DIDO1: variants seen among roughly 807,000 people sequenced by gnomAD.
DIDO1 encodes death inducer-obliterator 1, also known as death-inducer obliterator 1.
In DIDO1, 16 loss-of-function variants were observed where a neutral mutation model predicts 99.4. The ratio of observed to expected loss-of-function variants is 0.16; its 90% confidence interval spans 0.11 to 0.24. The LOEUF is 0.24. Ranked by LOEUF, DIDO1 falls within the 10% of genes least tolerant of loss-of-function variation. DIDO1 has a pLI of 1.00. For synonymous variants in DIDO1, 1,366 were observed against 1,239.1 expected, an observed-to-expected ratio of 1.10 and a Z score of -2.15; for missense variants, 2,996 against 3,014.0, an observed-to-expected ratio of 0.99 and a Z score of 0.14.
intron 2 of DIDO1, among the ~76,000 whole-genome samples, chr20:62,913,191 C>A (rs1178192834): frequency 6.6e-6 from 1 of 152,172 alleles, no homozygotes; most frequent in African/African-American, 2.4e-5. Flanking sequence ...ATGACCCACA[C>A]CCCCCAGGGC....
rs1158425755 is a variant in DIDO1, at chr20:62,897,001, AAAG to A, written c.1589-8_1589-6del. ...ACCTCCTGTCTTCCTTCGTGGCTAC[AAAG>A]AAGAACACAGGCGCTGAGTAAGGGA... On this transcript the variant is annotated splice_region_variant and splice_polypyrimidine_tract_variant and intron_variant, in intron 6 of 15. Transcript: ENST00000395343. 15 of 1,607,936 alleles carry A rather than the reference AAAG, an allele frequency of 9.3e-6. No homozygotes were observed. Among genetic ancestry groups the A allele is most frequent in the East Asian group, 2.2e-5 (1 of 44,864 alleles).
intron 6 of DIDO1, chr20:62,904,899 C>T (rs913751483): frequency 9.6e-6 from 8 of 829,244 alleles, no homozygotes; most frequent in East Asian, 1.2e-4. Context: ...AGTCTGACGA[C>T]GGGAAAGTGG....
In DIDO1 at chr20:62,896,852, G is replaced by A. The variant is rs2064541936; in HGVS notation, c.1733C>T (p.Ala578Val). Residue 578 changes from alanine (A) to valine (V), a missense_variant, in exon 7 of 16, where the codon GCA becomes GTA. Physicochemically the swap from Ala to Val is moderately conservative, Grantham distance 64 (BLOSUM62 0). Transcript: ENST00000395343. This position sits in a 1 kb window ranked among gnomAD's most constrained non-coding sequence, Gnocchi z 4.4. ...TGGCTTTTTAATGGCTGGTGTGGCTGCTGCCACATTAGCAAAAGAAGACTT... is the reference window on the plus strand; with the variant it reads ...TGGCTTTTTAATGGCTGGTGTGGCTACTGCCACATTAGCAAAAGAAGACTT... The part of the protein sequence containing the change: ...PKKSSFANVA[A>V]ATPAIKKPPS... 1.9e-6 allele frequency: 3 copies of A among 1,613,892 alleles called. No individual in the cohort carries two copies. Among genetic ancestry groups the A allele is most frequent in the African/African-American group, 1.3e-5 (1 of 75,058 alleles).
rs1444650331 is a variant in DIDO1 at position 62,911,589 on chromosome 20, G to C, written c.24C>G (p.Ser8Arg). 1 of 1,589,186 alleles carries C rather than the reference G, an allele frequency of 6.3e-7. No individual in the cohort carries two copies. Among genetic ancestry groups the C allele is most frequent in the African/African-American group, 1.3e-5 (1 of 74,366 alleles). Residue 8 changes from serine to arginine, a missense_variant, in exon 3 of 16, where the codon AGC becomes AGG. This residue lies in a region of DIDO1 where 388 missense variants were observed against 376.6 expected (regional missense o/e 1.03). Transcript: ENST00000395343. This position sits in a 1 kb window ranked among gnomAD's most constrained non-coding sequence, Gnocchi z 7.0. MDDKGDP[S>R]NEEAPKAIKP... ...TGATGGCCTTAGGTGCCTCCTCATT[G>C]CTCGGGTCGCCTTTGTCGTCCATAC...
chr20:62,903,189 A>G (rs2064721855), intron 6 of DIDO1, among the ~76,000 whole-genome samples: 1 of 152,244 alleles, frequency 6.6e-6, no homozygotes, highest in Non-Finnish European at 1.5e-5. Flanking sequence ...TGGGAGGAAC[A>G]AGGTGAGGCT....
upstream of DIDO1, among the ~76,000 whole-genome samples, chr20:62,927,455 G>A (rs1422894067): frequency 6.6e-6 from 1 of 152,234 alleles, no homozygotes; most frequent in Admixed American, 6.5e-5. Flanking sequence ...GACTGGGAGG[G>A]GGCAGGAGGG....
chr20:62,923,900 T>C (rs1380338697), intron 1 of DIDO1, among the ~76,000 whole-genome samples: 1 of 152,246 alleles, frequency 6.6e-6, no homozygotes, highest in Non-Finnish European at 1.5e-5. Flanking sequence ...TATTAAGTTT[T>C]ATGGACATGG....
chr20:62,935,199 T>G (rs2065369983), intron 1 of DIDO1, among the ~76,000 whole-genome samples: 1 of 152,198 alleles, frequency 6.6e-6, no homozygotes, highest in African/African-American at 2.4e-5. Context: ...CCTTCTTAGC[T>G]CCCACAAATT....
chr20:62,893,953 G>C lies in DIDO1; in HGVS notation c.2814C>G (p.Pro938=). ...YFPGPPGDGH[P]EPSPLEDLSP... is the part of the protein sequence containing the mutation. ...ACAGGTCTTCCAGCGGGGAGGGCTC[G>C]GGATGGCCATCTCCTGGAGGCCCAG... Residue 938 remains proline, a synonymous_variant, in exon 12 of 16, where the codon CCC becomes CCG. Coordinates refer to ENST00000395343, the MANE Select transcript of DIDO1 (RefSeq NM_001193369.2). The C allele has an allele frequency of 6.2e-7, 1 of 1,612,464 alleles. No individual in the cohort carries two copies. The highest frequency in any genetic ancestry group is 8.5e-7 in the Non-Finnish European group (1 of 1,178,714).
chr20:62,893,996 A>G lies in DIDO1; in HGVS notation c.2771T>C (p.Val924Ala), dbSNP rs1481720720. Residue 924 changes from valine (V) to alanine (A), a missense_variant, in exon 12 of 16, where the codon GTG becomes GCG. Val to Ala is a moderately conservative substitution (Grantham distance 64). Coordinates refer to ENST00000395343, the MANE Select transcript of DIDO1 (RefSeq NM_001193369.2). Reference protein sequence around the residue: ...PGLESASHPNVDRTYFPGPPG... With the variant: ...PGLESASHPNADRTYFPGPPG... Reference sequence around the variant, plus strand: ...AGGCCCAGGGAAATACGTTCTGTCCACATTTGGATGAGAAGCACTTTCTAG... The same window carrying G: ...AGGCCCAGGGAAATACGTTCTGTCCGCATTTGGATGAGAAGCACTTTCTAG... 6.2e-7 allele frequency: 1 copy of G among 1,614,164 alleles called. No homozygotes were observed. The highest frequency in any genetic ancestry group is 8.5e-7 in the Non-Finnish European group (1 of 1,180,032).
chr20:62,902,807 G>A (rs574683756), intron 6 of DIDO1, among the ~76,000 whole-genome samples: 54 of 152,316 alleles, frequency 3.5e-4, no homozygotes, highest in African/African-American at 1.1e-3. Flanking sequence ...TAATTCCAAC[G>A]GTTAGATGAA....
rs756269873 is a variant in DIDO1 at position 62,893,823 on chromosome 20, C to T, written c.2944G>A (p.Ala982Thr). The T allele has an allele frequency of 1.7e-5, 28 of 1,613,924 alleles. No individual in the cohort carries two copies. Among genetic ancestry groups the T allele is most frequent in the South Asian group, 2.2e-5 (2 of 91,086 alleles). Reference sequence around the variant, plus strand: ...TGGGTGCTGTCTGGGCGGGATGCTGCGGAGGCCACGGCTGTGCATGAACTG... The same window carrying T: ...TGGGTGCTGTCTGGGCGGGATGCTGTGGAGGCCACGGCTGTGCATGAACTG... ...PSSSCTAVAS[A>T]ASRPDSTHMV... The change falls in exon 12 of 16, where the codon GCA becomes ACA. Residue 982 changes from alanine (A) to threonine (T), a missense_variant. Coordinates refer to ENST00000395343, the MANE Select transcript of DIDO1 (RefSeq NM_001193369.2).
chr20:62,923,481 C>CTTTAAGG (rs1337652950), intron 1 of DIDO1, among the ~76,000 whole-genome samples: 1 of 152,134 alleles, frequency 6.6e-6, no homozygotes, highest in Admixed American at 6.5e-5. Flanking sequence ...GCCGGGAATT[C>CTTTAAGG]TTTAAGGGTG....
rs919653455 is a variant in DIDO1 at position 62,894,390 on chromosome 20, T to A, written c.2572+23A>T. Reference sequence around the variant, plus strand: ...TCAAGTTTAGTCTCAGCTCCAAGGCTCCATCCCCTGCACTGTGCTCACCTG... The same window carrying A: ...TCAAGTTTAGTCTCAGCTCCAAGGCACCATCCCCTGCACTGTGCTCACCTG... On this transcript the variant is annotated intron_variant, in intron 11 of 15. Coordinates refer to ENST00000395343, the MANE Select transcript of DIDO1 (RefSeq NM_001193369.2). This position sits in a 1 kb window ranked among gnomAD's most constrained non-coding sequence, Gnocchi z 4.4. The A allele has an allele frequency of 6.2e-7, 1 of 1,606,938 alleles. No individual in the cohort carries two copies. The highest frequency in any genetic ancestry group is 8.5e-7 in the Non-Finnish European group (1 of 1,177,930).
In DIDO1 at chr20:62,890,158, C is replaced by T. The variant is rs1181523631; in HGVS notation, c.3541+802G>A. 3 of 985,874 alleles carry T rather than the reference C, an allele frequency of 3.0e-6. No individual in the cohort carries two copies. The East Asian group carries it at 3.4e-4, about 112-fold the overall frequency. The allele number at this position is 985,874 out of a possible 1,614,324, so 61.1% of individuals were successfully genotyped here. ...GACAGCACCTGCCTTTATGACGAAG[C>T]ACTTCAGAGGACACTGTGTGATCCA... On this transcript the variant is annotated intron_variant, in intron 15 of 15. Coordinates refer to ENST00000395343, the MANE Select transcript of DIDO1 (RefSeq NM_001193369.2).
intron 6 of DIDO1, chr20:62,905,101 T>C: frequency 4.0e-6 from 4 of 996,836 alleles, no homozygotes; most frequent in Non-Finnish European, 3.6e-6. Context: ...GTTTGAAATA[T>C]CTTCATTTCA....
At position 62,893,770 on chromosome 20, in the gene DIDO1, C is replaced by T. The variant is rs774074224; in HGVS notation, c.2997G>A (p.Pro999=). ...CCATCACAGAAGTCAAGACAGGCTTCGGCACATCCTGTCTGGCTTCCACCA... is the reference window on the plus strand; with the variant it reads ...CCATCACAGAAGTCAAGACAGGCTTTGGCACATCCTGTCTGGCTTCCACCA... ...THMVEARQDV[P]KPVLTSVMVP... is the part of the protein sequence containing the mutation. The change falls in exon 12 of 16, where the codon CCG becomes CCA. Residue 999 remains proline, a synonymous_variant. Coordinates refer to ENST00000395343, the MANE Select transcript of DIDO1 (RefSeq NM_001193369.2). The T allele has an allele frequency of 2.7e-5, 44 of 1,614,090 alleles. No individual in the cohort carries two copies. In the South Asian group the frequency reaches 3.6e-4, roughly 13 times the overall value.
upstream of DIDO1, among the ~76,000 whole-genome samples, chr20:62,930,026 G>A (rs901603793): frequency 8.6e-5 from 13 of 151,888 alleles, no homozygotes; most frequent in East Asian, 1.9e-4. Context: ...GAGGTCCTGA[G>A]GTTAGGAGTT....
At chr20:62,935,611 C>T (rs2065374488) in intron 1 of DIDO1, among the ~76,000 whole-genome samples, 1 of 152,126 alleles carries the variant, frequency 6.6e-6, no homozygotes, top group Non-Finnish European at 1.5e-5. Context: ...ACTGAGAGCA[C>T]AGCGATAACA....
Sources: gnomAD v4.1 joint callset for allele counts (sites outside exome capture counted in the v4.1 genomes callset) on GRCh38, gnomAD v4.1.1 for gene constraint, gnomAD v4.1.1 regional missense constraint, Gnocchi (gnomAD v3.1) non-coding constraint, MANE v1.5 for transcripts, NCBI Gene and HGNC (gene_info 2026-07-23, HGNC 2026-07-21) for gene names.